TNR: variants seen among roughly 807,000 people sequenced by gnomAD.
TNR encodes the protein tenascin-R.
A neutral mutation model predicts 150.4 loss-of-function variants in TNR; 45 were observed. That is an observed-to-expected ratio of 0.30 (90% CI 0.24 to 0.38). The LOEUF (loss-of-function observed/expected upper bound fraction) is 0.38. Ranked by LOEUF, TNR falls within the 10% of genes least tolerant of loss-of-function variation. The probability of loss-of-function intolerance (pLI) is 1.00; values close to 1 mark genes in which losing one functional copy is unlikely to be tolerated. For missense variants in TNR, 1,544 were observed against 1,759.1 expected (o/e 0.88, Z 2.19); for synonymous variants, 687 against 678.4 (o/e 1.01, Z -0.20).
chr1:175,325,594 A>G (rs939105900), intron 21 of TNR, among the ~76,000 whole-genome samples: 2 of 152,218 alleles, frequency 1.3e-5, no homozygotes, highest in African/African-American at 4.8e-5. Flanking sequence ...CACTATTCAC[A>G]ATAGCAAAGA....
chr1:175,365,664 T>A (rs1443700354), intron 11 of TNR, among the ~76,000 whole-genome samples: 2 of 152,206 alleles, frequency 1.3e-5, no homozygotes, highest in African/African-American at 2.4e-5. Context: ...GACACAAGTT[T>A]TCAGGCAGGT....
chr1:175,553,845 C>CACACACACACACAA (rs1282632549), intron 1 of TNR, among the ~76,000 whole-genome samples: 1 of 151,636 alleles, frequency 6.6e-6, no homozygotes, highest in African/African-American at 2.4e-5. Context: ...CACACACACA[C>CACACACACACACAA]ACAAACAATA....
chr1:175,621,968 G>A (rs1271064393), intron 1 of TNR, among the ~76,000 whole-genome samples: 2 of 152,154 alleles, frequency 1.3e-5, no homozygotes, highest in Non-Finnish European at 2.9e-5. Flanking sequence ...TTTTATCTCT[G>A]CAGGTTTAGT....
chr1:175,345,031 C>A (rs536898284), intron 18 of TNR, among the ~76,000 whole-genome samples: 1 of 151,994 alleles, frequency 6.6e-6, no homozygotes, highest in African/African-American at 2.4e-5. Flanking sequence ...TCTCTTGAAC[C>A]CGGGAGACGG....
chr1:175,558,534 C>T (rs2102207471), intron 1 of TNR, among the ~76,000 whole-genome samples: 1 of 152,284 alleles, frequency 6.6e-6, no homozygotes, highest in Non-Finnish European at 1.5e-5. Flanking sequence ...AACTCTAACT[C>T]AAAGTCATAT....
At chr1:175,458,239 A>C (rs1017097033) in intron 2 of TNR, among the ~76,000 whole-genome samples, 2 of 152,194 alleles carry the variant, frequency 1.3e-5, no homozygotes, top group Non-Finnish European at 2.9e-5. Flanking sequence ...TTTATGCTCA[A>C]ATTAATGTTA....
intron 1 of TNR, among the ~76,000 whole-genome samples, chr1:175,668,901 TCC>T (rs1161921192): frequency 1.3e-5 from 2 of 152,280 alleles, no homozygotes; most frequent in African/African-American, 2.4e-5. Context: ...GCCTCTTACC[TCC>T]TTGGCCTGGT....
At chr1:175,402,000 T>C (rs1050142692) in intron 4 of TNR, among the ~76,000 whole-genome samples, 2 of 152,178 alleles carry the variant, frequency 1.3e-5, no homozygotes, top group African/African-American at 4.8e-5. Flanking sequence ...ATAAACATAA[T>C]CTGATTTGCA....
chr1:175,435,757 T>C (rs1655478574), intron 2 of TNR, among the ~76,000 whole-genome samples: 1 of 152,232 alleles, frequency 6.6e-6, no homozygotes. Flanking sequence ...AATTGGCATG[T>C]TTTTGCAGTG....
At chr1:175,604,930 G>C (rs958433741) in intron 1 of TNR, among the ~76,000 whole-genome samples, 1 of 152,194 alleles carries the variant, frequency 6.6e-6, no homozygotes, top group East Asian at 1.9e-4. Flanking sequence ...TTATATCCTA[G>C]AGGAGAGGAG....
chr1:175,503,309 C>T (rs562876201), intron 2 of TNR, among the ~76,000 whole-genome samples: 5 of 152,282 alleles, frequency 3.3e-5, no homozygotes, highest in East Asian at 1.9e-4. Flanking sequence ...TTTAAGGAAG[C>T]GACAGACCCA....
chr1:175,509,195 G>C (rs898771997), intron 2 of TNR, among the ~76,000 whole-genome samples: 1 of 152,174 alleles, frequency 6.6e-6, no homozygotes. Flanking sequence ...TAGGAAGTAT[G>C]ATCCTTCCTC....
At chr1:175,589,766 A>G (rs1442527313) in intron 1 of TNR, among the ~76,000 whole-genome samples, 1 of 152,040 alleles carries the variant, frequency 6.6e-6, no homozygotes, top group Non-Finnish European at 1.5e-5. Context: ...CAAACACCGC[A>G]TGTTCTCACT....
chr1:175,344,959 T>C (rs1171359233), intron 18 of TNR, among the ~76,000 whole-genome samples: 1 of 151,888 alleles, frequency 6.6e-6, no homozygotes, highest in Admixed American at 6.6e-5. Context: ...ATACAAAAAG[T>C]TAGCTGGGCG....
At position 175,321,181 on chromosome 1, in the gene TNR, C is replaced by T. The variant is rs1234496212; in HGVS notation, c.*2176G>A. 6.6e-6 allele frequency: 1 copy of T among 152,166 alleles called. No individual in the cohort carries two copies. Among genetic ancestry groups the T allele is most frequent in the Admixed American group, 6.5e-5 (1 of 15,278 alleles). The allele number at this position is 152,166 out of a possible 1,614,324, so 9.4% of individuals were successfully genotyped here. ...GATCTGTTTCTGTTTTTTCCTCCTCCCAGTTTGTTGAAGCCCATGGTTAAC... is the reference window on the plus strand; with the variant it reads ...GATCTGTTTCTGTTTTTTCCTCCTCTCAGTTTGTTGAAGCCCATGGTTAAC... On this transcript the variant is annotated 3_prime_UTR_variant, in exon 23 of 23. Coordinates refer to ENST00000367674, the MANE Select transcript of TNR (RefSeq NM_003285.3).
intron 1 of TNR, among the ~76,000 whole-genome samples, chr1:175,590,198 G>A (rs1164885164): frequency 6.6e-6 from 1 of 152,050 alleles, no homozygotes; most frequent in Non-Finnish European, 1.5e-5. Context: ...AGGTAAGTAT[G>A]GGAGATGATA....
At chr1:175,704,957 G>A (rs1205092053) in intron 1 of TNR, among the ~76,000 whole-genome samples, 5 of 152,154 alleles carry the variant, frequency 3.3e-5, no homozygotes, top group Non-Finnish European at 7.3e-5. Flanking sequence ...GACGGGGGAT[G>A]TTTTGTTTCC....
At chr1:175,582,589 G>T (rs749331532) in intron 1 of TNR, among the ~76,000 whole-genome samples, 13 of 152,168 alleles carry the variant, frequency 8.5e-5, no homozygotes, top group Non-Finnish European at 1.9e-4. Context: ...GGGAGAGGGG[G>T]TGGTGGAGAA....
chr1:175,683,815 T>C (rs1001063276), intron 1 of TNR, among the ~76,000 whole-genome samples: 2 of 152,198 alleles, frequency 1.3e-5, no homozygotes, highest in Non-Finnish European at 2.9e-5. Context: ...AGAAAATAGA[T>C]TCTCACTGCC....
Sources: allele counts gnomAD v4.1 joint callset (sites outside exome capture counted in the v4.1 genomes callset), GRCh38; gene constraint gnomAD v4.1.1; transcripts MANE v1.5; gene names NCBI Gene and HGNC (gene_info 2026-07-23, HGNC 2026-07-21).